The following GRID2 variants were observed in gnomAD, a reference collection of about 807,000 sequenced individuals.
The protein encoded by GRID2 is glutamate receptor ionotropic, delta-2.
In GRID2, 33 loss-of-function variants were observed where a neutral mutation model predicts 114.8. The observed-to-expected ratio is 0.29, with a 90% CI of 0.22 to 0.38. GRID2 has a LOEUF of 0.38. GRID2 is among the 10% of genes least tolerant of loss of function. The pLI is 1.00. For synonymous variants in GRID2, 505 were observed against 449.9 expected, an observed-to-expected ratio of 1.12 and a Z score of -1.55; for missense variants, 1,184 against 1,257.7, an observed-to-expected ratio of 0.94 and a Z score of 0.89.
chr4:92,647,372 T>C (rs1489348799), intron 2 of GRID2, among the ~76,000 whole-genome samples: 1 of 145,762 alleles, frequency 6.9e-6, no homozygotes, highest in Non-Finnish European at 1.5e-5. Flanking sequence ...AATAAAAAAT[T>C]CTAACCAATA....
chr4:92,348,828 T>A (rs372425021), intron 1 of GRID2, among the ~76,000 whole-genome samples: 1 of 152,138 alleles, frequency 6.6e-6, no homozygotes, highest in South Asian at 2.1e-4. Context: ...GTAAACAAAC[T>A]CTGTGGAATT....
At chr4:93,750,367 A>C (rs1356779283) in intron 14 of GRID2, among the ~76,000 whole-genome samples, 1 of 152,226 alleles carries the variant, frequency 6.6e-6, no homozygotes, top group Non-Finnish European at 1.5e-5. Context: ...AAAATAGTAA[A>C]TAAGAATCTC....
intron 11 of GRID2, among the ~76,000 whole-genome samples, chr4:93,486,749 CT>C (rs1341337794): frequency 2.6e-5 from 4 of 151,590 alleles, no homozygotes; most frequent in Non-Finnish European, 4.4e-5. Context: ...ATTTATTTAC[CT>C]TTTGAATCTA....
chr4:93,345,134 T>G, intron 8 of GRID2, among the ~76,000 whole-genome samples: 1 of 152,038 alleles, frequency 6.6e-6, no homozygotes, highest in Non-Finnish European at 1.5e-5. Context: ...CAAATATCTC[T>G]TTAACATACT....
intron 2 of GRID2, among the ~76,000 whole-genome samples, chr4:93,032,378 A>G (rs927108880): frequency 6.6e-6 from 1 of 152,162 alleles, no homozygotes. Context: ...TTGAAACATT[A>G]ATGTGAGGTT....
At chr4:92,706,105 A>G (rs1734941385) in intron 2 of GRID2, among the ~76,000 whole-genome samples, 1 of 152,212 alleles carries the variant, frequency 6.6e-6, no homozygotes, top group Admixed American at 6.5e-5. Flanking sequence ...ATGTGATTCC[A>G]GACCAAAACC....
At chr4:93,106,187 G>C (rs1392672228) in intron 3 of GRID2, among the ~76,000 whole-genome samples, 1 of 152,048 alleles carries the variant, frequency 6.6e-6, no homozygotes. Flanking sequence ...CACTCACCTG[G>C]AAGCACCTTG....
At chr4:93,170,516 G>A (rs1226971969) in intron 4 of GRID2, among the ~76,000 whole-genome samples, 4 of 152,140 alleles carry the variant, frequency 2.6e-5, no homozygotes, top group Non-Finnish European at 4.4e-5. Context: ...TATTTCCATT[G>A]AGATATAGAT....
chr4:93,535,026 T>A (rs1731892461), intron 13 of GRID2, among the ~76,000 whole-genome samples: 1 of 151,926 alleles, frequency 6.6e-6, no homozygotes, highest in African/African-American at 2.4e-5. Flanking sequence ...ATTCCTCACC[T>A]CCACCCCAGG....
At chr4:93,027,281 C>A (rs1560807825) in intron 2 of GRID2, among the ~76,000 whole-genome samples, 1 of 152,010 alleles carries the variant, frequency 6.6e-6, no homozygotes. Flanking sequence ...GTTTGTTTCA[C>A]TGATGCATAG....
intron 1 of GRID2, among the ~76,000 whole-genome samples, chr4:92,583,790 ATG>A (rs1016138808): frequency 6.6e-6 from 1 of 150,480 alleles, no homozygotes; most frequent in African/African-American, 2.4e-5. Flanking sequence ...TGTAATATAT[ATG>A]TGAGTATGTA....
intron 14 of GRID2, among the ~76,000 whole-genome samples, chr4:93,671,789 T>A (rs1208508236): frequency 6.6e-6 from 1 of 151,784 alleles, no homozygotes; most frequent in Admixed American, 6.6e-5. Flanking sequence ...ACCAACATGC[T>A]GAAACCCTGT....
intron 1 of GRID2, among the ~76,000 whole-genome samples, chr4:92,383,506 T>C (rs1729716570): frequency 6.6e-6 from 1 of 151,994 alleles, no homozygotes; most frequent in African/African-American, 2.4e-5. Flanking sequence ...TTGTCTTCCA[T>C]GTAAAAGGCT....
chr4:92,388,769 C>CT (rs1311629225), intron 1 of GRID2, among the ~76,000 whole-genome samples: 2 of 152,012 alleles, frequency 1.3e-5, no homozygotes, highest in Non-Finnish European at 2.9e-5. Context: ...ATGAAATAGA[C>CT]TTGACCCTCA....
At chr4:93,376,236 G>GA (rs11379053) in intron 8 of GRID2, among the ~76,000 whole-genome samples, 29,962 of 152,042 alleles carry the variant, frequency 0.2, 5,767 homozygotes, top group African/African-American at 0.5. Context: ...AGTCATACCT[G>GA]AAATCAATGA....
intron 2 of GRID2, among the ~76,000 whole-genome samples, chr4:93,076,243 G>A (rs1264764203): frequency 1.3e-5 from 2 of 151,994 alleles, no homozygotes; most frequent in Non-Finnish European, 2.9e-5. Flanking sequence ...AAAATAGCAT[G>A]GCGGTGGGAG....
chr4:93,763,133 A>C (rs1353329090), intron 14 of GRID2, among the ~76,000 whole-genome samples: 1 of 152,138 alleles, frequency 6.6e-6, no homozygotes, highest in Non-Finnish European at 1.5e-5. Context: ...GAATTCAAGG[A>C]CCTGCAAGAG....
chr4:93,295,727 G>A (rs1419246814), intron 8 of GRID2, among the ~76,000 whole-genome samples: 2 of 152,096 alleles, frequency 1.3e-5, no homozygotes, highest in Non-Finnish European at 2.9e-5. Context: ...CTTGGATAAA[G>A]TCTCTCTTTT....
At chr4:92,618,158 A>C (rs1346966524) in intron 2 of GRID2, among the ~76,000 whole-genome samples, 1 of 151,694 alleles carries the variant, frequency 6.6e-6, no homozygotes, top group Non-Finnish European at 1.5e-5. Context: ...TCTTACATTT[A>C]GATCTTTGAT....
Sources: gnomAD v4.1 joint callset for allele counts (sites outside exome capture counted in the v4.1 genomes callset) on GRCh38, gnomAD v4.1.1 for gene constraint, MANE v1.5 for transcripts, NCBI Gene and HGNC (gene_info 2026-07-23, HGNC 2026-07-21) for gene names.